The following DSCAM variants were observed in gnomAD, a reference collection of about 807,000 sequenced individuals.
DSCAM encodes cell adhesion molecule DSCAM.
A neutral mutation model predicts 217.7 loss-of-function variants in DSCAM; 47 were observed. That is an observed-to-expected ratio of 0.22 (90% CI 0.17 to 0.28). The LOEUF (loss-of-function observed/expected upper bound fraction) is 0.28, where lower values mean the gene tolerates loss of function less well. Among genes scored for constraint, DSCAM ranks in the 10% least tolerant of loss-of-function variants. The pLI is 1.00. For synonymous variants in DSCAM, 1,056 were observed against 1,015.3 expected (o/e 1.04, Z -0.76); for missense variants, 2,080 against 2,618.3 (o/e 0.79, Z 4.49).
chr21:40,551,703 GT>G (rs2076631408), intron 3 of DSCAM, among the ~76,000 whole-genome samples: 1 of 152,138 alleles, frequency 6.6e-6, no homozygotes, highest in South Asian at 2.1e-4. Context: ...TTCTTTATCT[GT>G]TATGTGATAT....
At chr21:40,727,209 G>C (rs995237175) in intron 1 of DSCAM, among the ~76,000 whole-genome samples, 2 of 152,146 alleles carry the variant, frequency 1.3e-5, no homozygotes, top group African/African-American at 4.8e-5. Flanking sequence ...GCTTATTTAG[G>C]AGTCTCAAAC....
chr21:40,651,489 T>C (rs1382610041), intron 3 of DSCAM, among the ~76,000 whole-genome samples: 1 of 152,234 alleles, frequency 6.6e-6, no homozygotes, highest in Non-Finnish European at 1.5e-5. Context: ...GTATATATTC[T>C]GAATACCTGC....
chr21:40,346,911 C>G (rs901530247), intron 6 of DSCAM, among the ~76,000 whole-genome samples: 1 of 152,148 alleles, frequency 6.6e-6, no homozygotes, highest in African/African-American at 2.4e-5. Flanking sequence ...CCAGCAAACA[C>G]CTGGCAATGT....
chr21:40,438,556 C>A (rs1019841485), intron 3 of DSCAM, among the ~76,000 whole-genome samples: 8 of 152,202 alleles, frequency 5.3e-5, no homozygotes, highest in Admixed American at 2.6e-4. Flanking sequence ...CCTTGGCCAA[C>A]CTCAAGGTCC....
At chr21:40,478,125 T>A (rs2075953048) in intron 3 of DSCAM, among the ~76,000 whole-genome samples, 1 of 152,252 alleles carries the variant, frequency 6.6e-6, no homozygotes, top group African/African-American at 2.4e-5. Flanking sequence ...CTTGTGTCTG[T>A]CTCTCTTCCT....
intron 3 of DSCAM, among the ~76,000 whole-genome samples, chr21:40,565,515 T>C (rs1192936302): frequency 1.3e-5 from 2 of 152,198 alleles, no homozygotes; most frequent in African/African-American, 4.8e-5. Flanking sequence ...AGGAACACCC[T>C]TGGATAAGTG....
chr21:40,788,743 T>A (rs1216233138), intron 1 of DSCAM, among the ~76,000 whole-genome samples: 2 of 152,210 alleles, frequency 1.3e-5, no homozygotes, highest in East Asian at 3.8e-4. Context: ...TCATACTCTC[T>A]TTTCTGTAAA....
intron 11 of DSCAM, among the ~76,000 whole-genome samples, chr21:40,258,676 T>C (rs2146973423): frequency 6.6e-6 from 1 of 152,372 alleles, no homozygotes; most frequent in South Asian, 2.1e-4. Context: ...CCTGGCATGC[T>C]TATACTGGTC....
intron 3 of DSCAM, among the ~76,000 whole-genome samples, chr21:40,440,097 T>C (rs895599702): frequency 6.6e-6 from 1 of 152,166 alleles, no homozygotes; most frequent in Non-Finnish European, 1.5e-5. Flanking sequence ...TGTAGGAACA[T>C]GTATCTGCAC....
chr21:40,479,772 A>T (rs1023782132), intron 3 of DSCAM, among the ~76,000 whole-genome samples: 2 of 152,318 alleles, frequency 1.3e-5, no homozygotes, highest in East Asian at 3.9e-4. Flanking sequence ...ACCATATCAC[A>T]TGGGATTCTC....
chr21:40,799,094 A>G (rs2091716548), intron 1 of DSCAM, among the ~76,000 whole-genome samples: 1 of 152,150 alleles, frequency 6.6e-6, no homozygotes, highest in Non-Finnish European at 1.5e-5. Flanking sequence ...TGAGGTGTGT[A>G]AAGAGAAAGC....
intron 3 of DSCAM, among the ~76,000 whole-genome samples, chr21:40,687,589 T>C (rs1483218919): frequency 2.0e-5 from 3 of 152,194 alleles, no homozygotes; most frequent in Non-Finnish European, 4.4e-5. Context: ...GCATCCAATC[T>C]GCTCTTAGTT....
At chr21:40,113,777 CAGAG>C (rs1391285216) in intron 20 of DSCAM, among the ~76,000 whole-genome samples, 1 of 152,156 alleles carries the variant, frequency 6.6e-6, no homozygotes, top group African/African-American at 2.4e-5. Context: ...AACAGACAAA[CAGAG>C]AGCCAAATCA....
chr21:40,647,335 A>G (rs2089959890), intron 3 of DSCAM, among the ~76,000 whole-genome samples: 1 of 152,212 alleles, frequency 6.6e-6, no homozygotes, highest in Non-Finnish European at 1.5e-5. Context: ...CTCTTCTGTA[A>G]TATATTTTTC....
chr21:40,634,046 G>A (rs181351682), intron 3 of DSCAM, among the ~76,000 whole-genome samples: 293 of 152,240 alleles, frequency 1.9e-3, no homozygotes, highest in African/African-American at 6.8e-3. Flanking sequence ...AAGCCTAGCA[G>A]CTATTTATTC....
chr21:40,620,906 G>A (rs1251025109), intron 3 of DSCAM, among the ~76,000 whole-genome samples: 3 of 152,164 alleles, frequency 2.0e-5, no homozygotes, highest in South Asian at 2.1e-4. Flanking sequence ...AAGGGAATAC[G>A]ACTCAGCGTG....
intron 11 of DSCAM, among the ~76,000 whole-genome samples, chr21:40,265,686 C>T (rs1235115286): frequency 1.3e-5 from 2 of 152,026 alleles, no homozygotes; most frequent in Non-Finnish European, 2.9e-5. Context: ...AGAAATAAAG[C>T]CAAATACTTA....
intron 6 of DSCAM, among the ~76,000 whole-genome samples, chr21:40,343,641 T>C (rs1448705931): frequency 6.6e-6 from 1 of 152,054 alleles, no homozygotes; most frequent in Non-Finnish European, 1.5e-5. Flanking sequence ...CTCCAATTGA[T>C]TTACACACAC....
chr21:40,724,483 A>C (rs1054362436), intron 1 of DSCAM, among the ~76,000 whole-genome samples: 3 of 152,230 alleles, frequency 2.0e-5, no homozygotes, highest in Non-Finnish European at 4.4e-5. Flanking sequence ...TAAGAGGCAA[A>C]GAGTTGGAGA....
Sources: gnomAD v4.1 joint callset for allele counts (sites outside exome capture counted in the v4.1 genomes callset) on GRCh38, gnomAD v4.1.1 for gene constraint, MANE v1.5 for transcripts, NCBI Gene and HGNC (gene_info 2026-07-23, HGNC 2026-07-21) for gene names.